Variants in PCDHGB2 observed in about 807,000 individuals in gnomAD.
The protein encoded by PCDHGB2 is protocadherin gamma-B2.
Under a neutral mutation model 59.3 loss-of-function variants are expected in PCDHGB2, and 55 were observed. The ratio of observed to expected loss-of-function variants is 0.93; its 90% CI spans 0.75 to 1.16. The LOEUF is 1.16. Ranked by LOEUF, PCDHGB2 falls within the 50% of genes most tolerant of loss-of-function variation. PCDHGB2 has a pLI of 0.00. For missense variants in PCDHGB2, 1,228 were observed against 1,198.5 expected (o/e 1.02, Z -0.36); for synonymous variants, 516 against 512.0 (o/e 1.01, Z -0.11).
intron 2 of PCDHGB2, among the ~76,000 whole-genome samples, chr5:141,503,950 C>T (rs1216385793): frequency 3.3e-5 from 5 of 152,180 alleles, no homozygotes; most frequent in Non-Finnish European, 7.3e-5. Flanking sequence ...CAAGGCCTAC[C>T]CTACAGCCTT....
intron 1 of PCDHGB2, chr5:141,365,047 G>A (rs1436850571): frequency 2.5e-6 from 4 of 1,613,804 alleles, no homozygotes; most frequent in Non-Finnish European, 3.4e-6. Flanking sequence ...ACGACAATGC[G>A]CCCCTGTTCA....
intron 1 of PCDHGB2, chr5:141,423,722 G>T: frequency 1.0e-6 from 1 of 954,174 alleles, no homozygotes; most frequent in Non-Finnish European, 1.3e-6. Flanking sequence ...TTAAGGAGAT[G>T]TTTTTTGAGC....
chr5:141,450,489 CTGTT>C (rs1372781820), intron 1 of PCDHGB2, among the ~76,000 whole-genome samples: 4 of 150,280 alleles, frequency 2.7e-5, no homozygotes, highest in Non-Finnish European at 2.9e-5. Context: ...GTTTGTTTGT[CTGTT>C]TGTTTGTTTT....
At chr5:141,428,169 G>T (rs758370904) in intron 1 of PCDHGB2, 5 of 1,539,960 alleles carry the variant, frequency 3.2e-6, no homozygotes, top group South Asian at 2.2e-5. Context: ...GTTGCTGTGC[G>T]TGACGGAGGA....
chr5:141,454,796 ATTTTTT>A (rs61612330), intron 1 of PCDHGB2, among the ~76,000 whole-genome samples: 41 of 77,454 alleles, frequency 5.3e-4, no homozygotes, highest in African/African-American at 1.7e-3. Context: ...CATGGTTCTA[ATTTTTT>A]TTTTTTTTTT....
intron 2 of PCDHGB2, 143 bp downstream of exon 2, chr5:141,495,008 G>A (rs2099758236): frequency 6.6e-7 from 1 of 1,521,900 alleles, no homozygotes; most frequent in Non-Finnish European, 8.8e-7. Context: ...TGGTGTGCGG[G>A]GGGCTGGCAC....
Position 141,483,381 on chromosome 5 carries a change from G to T in PCDHGB2, c.2422-11426G>T, listed in dbSNP as rs147887550. ...AAGCTATTGCAATATTTGAAGAGAA[G>T]ATTGATAAATGCTTGAACCAGCACA... On this transcript the variant is annotated intron_variant, in intron 1 of 3. Transcript: ENST00000522605. 2.0e-3 allele frequency among the ~76,000 whole-genome samples: 305 copies of T among 152,292 alleles called. 2 individuals are homozygous for T. Among genetic ancestry groups the T allele is most frequent in the African/African-American group, 6.9e-3 (286 of 41,558 alleles).
At chr5:141,390,382 T>C in intron 1 of PCDHGB2, 2 of 1,443,060 alleles carry the variant, frequency 1.4e-6, no homozygotes, top group South Asian at 1.3e-5. Context: ...AATTTTTAGA[T>C]GTCATGGATC....
chr5:141,424,082 C>T (rs2096798510), intron 1 of PCDHGB2: 2 of 957,226 alleles, frequency 2.1e-6, no homozygotes, highest in East Asian at 1.1e-4. Flanking sequence ...TTATATTCCA[C>T]CATTATTTGC....
intron 1 of PCDHGB2, chr5:141,433,225 G>A: frequency 6.6e-7 from 1 of 1,517,048 alleles, no homozygotes; most frequent in Non-Finnish European, 9.0e-7. Flanking sequence ...TTTTTTAATT[G>A]CTCTGTCTCC....
chr5:141,384,374 C>A, intron 1 of PCDHGB2: 1 of 1,613,920 alleles, frequency 6.2e-7, no homozygotes, highest in Non-Finnish European at 8.5e-7. Flanking sequence ...TATTCCTTGG[C>A]CGAAGACACC....
intron 1 of PCDHGB2, among the ~76,000 whole-genome samples, chr5:141,448,632 T>G (rs1383720361): frequency 1.3e-5 from 2 of 152,106 alleles, no homozygotes; most frequent in Admixed American, 1.3e-4. Context: ...TTCTTCACAT[T>G]ATATCCTTTA....
chr5:141,403,685 C>T, intron 1 of PCDHGB2: 4 of 1,613,822 alleles, frequency 2.5e-6, no homozygotes, highest in Non-Finnish European at 3.4e-6. Flanking sequence ...TTTTGCTCAA[C>T]GGATTTACCG....
Position 141,383,585 on chromosome 5 carries a change from A to G in PCDHGB2, c.2421+21029A>G, listed in dbSNP as rs1779292169. The stretch of plus-strand genomic sequence containing the variant: ...CCCCGATCCAGCACCGCCCACATCC[A>G]GGTGACAGTGGTGGATGTGAATGAC... On this transcript the variant is annotated intron_variant, in intron 1 of 3. Coordinates refer to ENST00000522605, the MANE Select transcript of PCDHGB2 (RefSeq NM_018923.3). The G allele has an allele frequency of 4.3e-6, 7 of 1,613,646 alleles. No individual in the cohort carries two copies. Among genetic ancestry groups the G allele is most frequent in the Non-Finnish European group, 5.9e-6 (7 of 1,179,852 alleles).
At position 141,487,194 on chromosome 5, in the gene PCDHGB2, C is replaced by T. The variant is rs148502966; in HGVS notation, c.2422-7613C>T. 2 of 1,613,868 alleles carry T rather than the reference C, an allele frequency of 1.2e-6. No homozygotes were observed. The highest frequency in any genetic ancestry group is 1.3e-5 in the African/African-American group (1 of 75,030). On this transcript the variant is annotated intron_variant, in intron 1 of 3. Coordinates refer to ENST00000522605, the MANE Select transcript of PCDHGB2 (RefSeq NM_018923.3). The surrounding 1 kb of genome is among the most constrained non-coding windows in gnomAD (Gnocchi z 5.0). ...GAGGAAGACACTCATCCAGTTGTCC[C>T]AGATCTTCGAGAATCTTCAGCTCCA... is the stretch of plus-strand genomic sequence containing the variant.
intron 1 of PCDHGB2, among the ~76,000 whole-genome samples, chr5:141,488,394 A>C (rs2099674951): frequency 1.3e-5 from 2 of 152,232 alleles, no homozygotes. Flanking sequence ...TGGTGAAACC[A>C]TGAAACCTAG....
chr5:141,501,831 C>G (rs1246452764), intron 2 of PCDHGB2, among the ~76,000 whole-genome samples: 1 of 152,176 alleles, frequency 6.6e-6, no homozygotes, highest in African/African-American at 2.4e-5. Context: ...GCCCACCCAC[C>G]TGTTTGGCCC....
chr5:141,383,869 G>C (rs1311272718), intron 1 of PCDHGB2: 1 of 1,613,980 alleles, frequency 6.2e-7, no homozygotes, highest in Non-Finnish European at 8.5e-7. Context: ...GGCTCAAGAT[G>C]GTCCTGGTAG....
intron 1 of PCDHGB2, chr5:141,413,419 A>C: frequency 6.2e-7 from 1 of 1,614,084 alleles, no homozygotes; most frequent in Non-Finnish European, 8.5e-7. Context: ...TTTCTCTCTG[A>C]ACCCGCGCAG....
Sources: allele counts gnomAD v4.1 joint callset (sites outside exome capture counted in the v4.1 genomes callset), GRCh38; gene constraint gnomAD v4.1.1; non-coding constraint Gnocchi (gnomAD v3.1); transcripts MANE v1.5; gene names NCBI Gene and HGNC (gene_info 2026-07-23, HGNC 2026-07-21).